The following CLVS1 variants were observed in gnomAD, a reference collection of about 807,000 sequenced individuals.
CLVS1 encodes the protein clavesin-1.
CLVS1 carries 10 observed loss-of-function variants against 33.1 expected under a neutral mutation model. The ratio of observed to expected loss-of-function variants is 0.30; its 90% CI spans 0.19 to 0.51. CLVS1 has a LOEUF of 0.51. Ranked by LOEUF, CLVS1 falls within the 20% of genes least tolerant of loss-of-function variation. The pLI, the probability that CLVS1 is intolerant of heterozygous loss-of-function variation, is 0.97. For synonymous variants in CLVS1, 163 were observed against 166.1 expected (o/e 0.98, Z 0.14); for missense variants, 343 against 433.4 (o/e 0.79, Z 1.85).
At chr8:61,382,743 A>C (rs1585892059) in intron 3 of CLVS1, among the ~76,000 whole-genome samples, 1 of 152,128 alleles carries the variant, frequency 6.6e-6, no homozygotes, top group African/African-American at 2.4e-5. Flanking sequence ...TTTACACTTC[A>C]CACACACTTC....
chr8:61,139,279 C>G (rs1174585448), intron 2 of CLVS1, among the ~76,000 whole-genome samples: 2 of 152,214 alleles, frequency 1.3e-5, no homozygotes, highest in Non-Finnish European at 1.5e-5. Flanking sequence ...CCGCAGGACC[C>G]CAGCTCCGTG....
chr8:61,230,869 G>A (rs1394620319), intron 2 of CLVS1, among the ~76,000 whole-genome samples: 3 of 152,128 alleles, frequency 2.0e-5, no homozygotes, highest in East Asian at 1.9e-4. Context: ...CCTGCTTACT[G>A]GTTCATAAAT....
chr8:61,431,307 G>T (rs191714127), intron 3 of CLVS1, among the ~76,000 whole-genome samples: 60 of 152,296 alleles, frequency 3.9e-4, no homozygotes, highest in Admixed American at 3.6e-3. Context: ...GATTTCTTGT[G>T]TAAGAGACTT....
the CLVS1 span, among the ~76,000 whole-genome samples, chr8:61,004,169 C>A: frequency 6.6e-6 from 1 of 152,226 alleles, no homozygotes; most frequent in Admixed American, 6.5e-5. Flanking sequence ...GGATTAAATG[C>A]AATAGCACAT....
intron 2 of CLVS1, among the ~76,000 whole-genome samples, chr8:61,197,948 A>G (rs1408233822): frequency 6.6e-6 from 1 of 152,224 alleles, no homozygotes; most frequent in Admixed American, 6.5e-5. Context: ...TGCTGGGGAT[A>G]GGGGAGGGGT....
intron 5 of CLVS1, among the ~76,000 whole-genome samples, chr8:61,484,216 CCTT>C (rs1440579201): frequency 2.0e-5 from 3 of 152,314 alleles, no homozygotes; most frequent in Non-Finnish European, 2.9e-5. Flanking sequence ...CCCTAAATCT[CCTT>C]AAGTTGATAA....
At chr8:60,984,356 T>G in the CLVS1 span, among the ~76,000 whole-genome samples, 2 of 151,804 alleles carry the variant, frequency 1.3e-5, no homozygotes, top group Non-Finnish European at 2.9e-5. Flanking sequence ...ATTCCGCTTT[T>G]GTCACCCAGG....
At chr8:61,126,338 T>C (rs894511713) in intron 1 of CLVS1, among the ~76,000 whole-genome samples, 9 of 152,236 alleles carry the variant, frequency 5.9e-5, no homozygotes, top group Non-Finnish European at 1.2e-4. Context: ...TGAGTGCGTC[T>C]GCTACCAAAT....
At chr8:61,454,384 C>A (rs1817074708) in intron 4 of CLVS1, 133 bp downstream of exon 4, 1 of 711,132 alleles carries the variant, frequency 1.4e-6, no homozygotes, top group Non-Finnish European at 2.5e-6. Flanking sequence ...TTTTCTACAG[C>A]CCCTAAGCAT....
At chr8:61,091,005 T>C in intron 1 of CLVS1, 1 of 477,460 alleles carries the variant, frequency 2.1e-6, no homozygotes, top group South Asian at 1.6e-5. Context: ...CACCAATACA[T>C]TTGCACCCTA....
rs112113174 is a variant in CLVS1 at position 61,259,793 on chromosome 8, C to T, written c.-151-39884C>T. ...ATGGGTATTTATGGTTAAGAGCAGA[C>T]GCGGAGCAGGATATTGGCGGTGTGG... On this transcript the variant is annotated intron_variant, in intron 2 of 2. Coordinates refer to the CLVS1 transcript ENST00000522621. Among the ~76,000 whole-genome samples, 42 of 152,338 alleles carry T rather than the reference C, an allele frequency of 2.8e-4. 2 individuals carry two copies. The highest frequency in any genetic ancestry group is 8.9e-4 in the African/African-American group (37 of 41,578).
chr8:61,236,195 A>G lies in CLVS1; in HGVS notation c.-151-63482A>G, dbSNP rs77674450. 7.9e-3 allele frequency among the ~76,000 whole-genome samples: 1,200 copies of G among 152,332 alleles called. 8 individuals are homozygous for G. Among genetic ancestry groups the G allele is most frequent in the Non-Finnish European group, 0.015 (993 of 68,028 alleles). ...AAGACACTGCCAGGGCCAAGGGTAG[A>G]GAAAGAACAGTGCATTGGCTAAGGG... On this transcript the variant is annotated intron_variant, in intron 2 of 2. Transcript: ENST00000522621.
chr8:61,159,156 G>A (rs1490964583), intron 2 of CLVS1, among the ~76,000 whole-genome samples: 1 of 152,196 alleles, frequency 6.6e-6, no homozygotes, highest in African/African-American at 2.4e-5. Context: ...TGATTACAGC[G>A]ATGAGCCATG....
chr8:61,228,678 T>C (rs112204172), intron 2 of CLVS1, among the ~76,000 whole-genome samples: 1 of 152,220 alleles, frequency 6.6e-6, no homozygotes, highest in Admixed American at 6.5e-5. Flanking sequence ...TTATTTCACT[T>C]AATATAATGT....
chr8:61,038,975 C>A, the CLVS1 span, among the ~76,000 whole-genome samples: 1 of 152,080 alleles, frequency 6.6e-6, no homozygotes, highest in Non-Finnish European at 1.5e-5. Flanking sequence ...TTAATATGAT[C>A]CCTTAGGATA....
chr8:61,254,248 A>C (rs1030228941), intron 2 of CLVS1, among the ~76,000 whole-genome samples: 7 of 152,152 alleles, frequency 4.6e-5, no homozygotes, highest in African/African-American at 1.7e-4. Flanking sequence ...ATTGGTGAAC[A>C]GCAAATGTTG....
the CLVS1 span, among the ~76,000 whole-genome samples, chr8:61,013,200 C>T: frequency 1.3e-5 from 2 of 152,290 alleles, no homozygotes; most frequent in Admixed American, 1.3e-4. Context: ...CTGACCCTCC[C>T]CCATAACCAC....
intron 5 of CLVS1, among the ~76,000 whole-genome samples, chr8:61,498,991 G>T (rs972407152): frequency 6.6e-6 from 1 of 152,174 alleles, no homozygotes; most frequent in African/African-American, 2.4e-5. Flanking sequence ...AGAATATTTA[G>T]ATGCTGGGGC....
At chr8:61,359,676 T>C (rs1332869193) in intron 2 of CLVS1, among the ~76,000 whole-genome samples, 1 of 152,180 alleles carries the variant, frequency 6.6e-6, no homozygotes, top group Non-Finnish European at 1.5e-5. Flanking sequence ...TAAAATCAAT[T>C]TAGGTGTAAG....
Sources: allele counts gnomAD v4.1 joint callset (sites outside exome capture counted in the v4.1 genomes callset), GRCh38; gene constraint gnomAD v4.1.1; transcripts MANE v1.5; gene names NCBI Gene and HGNC (gene_info 2026-07-23, HGNC 2026-07-21).